Variants in PMFBP1 observed in about 807,000 individuals in gnomAD.
The protein encoded by PMFBP1 is polyamine-modulated factor 1-binding protein 1.
In PMFBP1, 131 loss-of-function variants were observed where a neutral mutation model predicts 137.8. That is an observed-to-expected ratio of 0.95 (90% CI 0.82 to 1.10). PMFBP1 has a LOEUF of 1.10. Ranked by LOEUF, PMFBP1 falls within the 50% of genes least tolerant of loss-of-function variation. The pLI, the probability that PMFBP1 is intolerant of heterozygous loss-of-function variation, is 0.00. For synonymous variants in PMFBP1, 490 were observed against 450.4 expected, an observed-to-expected ratio of 1.09 and a Z score of -1.11; for missense variants, 1,199 against 1,175.4, an observed-to-expected ratio of 1.02 and a Z score of -0.29.
downstream of PMFBP1, among the ~76,000 whole-genome samples, chr16:72,117,034 CA>C (rs35283042): frequency 4.2e-3 from 491 of 117,058 alleles, no homozygotes; most frequent in Non-Finnish European, 5.3e-3. Context: ...CCTATTTCTG[CA>C]AAAAAAAAAA....
chr16:72,150,861 C>A, intron 4 of PMFBP1, 32 bp from the exon 5 acceptor site: 1 of 1,578,518 alleles, frequency 6.3e-7, no homozygotes, highest in South Asian at 1.1e-5. Context: ...CACATTGAGC[C>A]CATGGAAGCA....
chr16:72,166,418 A>C (rs1212829958), intron 2 of PMFBP1, among the ~76,000 whole-genome samples: 1 of 152,164 alleles, frequency 6.6e-6, no homozygotes, highest in African/African-American at 2.4e-5. Flanking sequence ...TGGAACTGTG[A>C]GTCAGTTAAA....
At chr16:72,247,074 T>C in the PMFBP1 span, among the ~76,000 whole-genome samples, 1 of 152,264 alleles carries the variant, frequency 6.6e-6, no homozygotes, top group East Asian at 1.9e-4. Context: ...GATGAAGAGG[T>C]ACACAATTTC....
At chr16:72,238,273 G>T in the PMFBP1 span, among the ~76,000 whole-genome samples, 6 of 152,150 alleles carry the variant, frequency 3.9e-5, no homozygotes, top group Non-Finnish European at 7.4e-5. Context: ...CACCAACAGG[G>T]TATAGTGTTC....
intron 5 of PMFBP1, among the ~76,000 whole-genome samples, chr16:72,148,082 T>A (rs2042840487): frequency 6.6e-6 from 1 of 152,216 alleles, no homozygotes; most frequent in Non-Finnish European, 1.5e-5. Flanking sequence ...ATATGTTTAC[T>A]GCCACACTGT....
intron 15 of PMFBP1, 71 bp from the exon 16 acceptor site, chr16:72,125,476 G>A: frequency 1.3e-6 from 2 of 1,521,696 alleles, no homozygotes; most frequent in South Asian, 1.3e-5. Context: ...CCTGAATGGA[G>A]GAGGGTTCCA....
the PMFBP1 span, among the ~76,000 whole-genome samples, chr16:72,185,053 TCGCTG>T: frequency 6.6e-6 from 1 of 151,666 alleles, no homozygotes; most frequent in African/African-American, 2.4e-5. Flanking sequence ...AGACGGAGTC[TCGCTG>T]TGTCACCCAG....
chr16:72,136,249 C>T (rs2042629278), intron 9 of PMFBP1, among the ~76,000 whole-genome samples, 199 bp downstream of exon 9: 1 of 152,092 alleles, frequency 6.6e-6, no homozygotes. Flanking sequence ...CCTGCATAAT[C>T]AGATTCATTT....
intron 3 of PMFBP1, chr16:72,164,343 C>A (rs1346103665): frequency 5.1e-6 from 6 of 1,182,752 alleles, no homozygotes; most frequent in Non-Finnish European, 5.6e-6. Context: ...CAATAAAGAC[C>A]CCCTGCTACC....
intron 5 of PMFBP1, 58 bp from the exon 6 acceptor site, chr16:72,140,640 A>T (rs2042704315): frequency 6.8e-7 from 1 of 1,460,940 alleles, no homozygotes; most frequent in East Asian, 2.3e-5. Context: ...TTACTTCAGA[A>T]TTCCATGAAC....
chr16:72,177,138 T>G (rs1360118014), upstream of PMFBP1, among the ~76,000 whole-genome samples: 3 of 152,222 alleles, frequency 2.0e-5, no homozygotes, highest in Non-Finnish European at 4.4e-5. Context: ...TTTGTTGCCA[T>G]TATCATTGAC....
chr16:72,156,193 G>C (rs2042977806), intron 3 of PMFBP1, among the ~76,000 whole-genome samples: 2 of 152,012 alleles, frequency 1.3e-5, no homozygotes, highest in South Asian at 4.2e-4. Context: ...TGCCATGCTG[G>C]CCAAGTTGGT....
chr16:72,144,002 T>C (rs970606936), intron 5 of PMFBP1, among the ~76,000 whole-genome samples: 4 of 151,764 alleles, frequency 2.6e-5, no homozygotes, highest in Non-Finnish European at 4.4e-5. Context: ...GATTGCACCA[T>C]TGCACTCCAG....
At chr16:72,241,656 G>A in the PMFBP1 span, among the ~76,000 whole-genome samples, 1 of 152,108 alleles carries the variant, frequency 6.6e-6, no homozygotes, top group Non-Finnish European at 1.5e-5. Flanking sequence ...TTGAAGGAAG[G>A]CTGTTTTCAT....
chr16:72,176,652 A>G (rs1256513625), upstream of PMFBP1, among the ~76,000 whole-genome samples: 1 of 152,210 alleles, frequency 6.6e-6, no homozygotes, highest in Admixed American at 6.5e-5. Flanking sequence ...CCTTAATGCT[A>G]TGGAACTATC....
the PMFBP1 span, among the ~76,000 whole-genome samples, chr16:72,233,123 T>C: frequency 6.6e-6 from 1 of 152,128 alleles, no homozygotes; most frequent in South Asian, 2.1e-4. Flanking sequence ...AATTTACCTG[T>C]AGTCCAGTAT....
At chr16:72,225,714 TAATA>T in the PMFBP1 span, among the ~76,000 whole-genome samples, 1,681 of 143,264 alleles carry the variant, frequency 0.012, 28 homozygotes, top group South Asian at 0.041. Flanking sequence ...CTGTTTATAA[TAATA>T]ATAATAATAA....
the PMFBP1 span, among the ~76,000 whole-genome samples, chr16:72,213,836 G>C: frequency 6.6e-6 from 1 of 152,176 alleles, no homozygotes; most frequent in Non-Finnish European, 1.5e-5. Context: ...CACATAAACA[G>C]CAAATGGAAA....
At chr16:72,150,520 T>C in intron 5 of PMFBP1, 88 bp downstream of exon 5, 1 of 1,326,688 alleles carries the variant, frequency 7.5e-7, no homozygotes. Context: ...AGGTTTGGGT[T>C]TCCAGTGGAG....
Sources: gnomAD v4.1 joint callset for allele counts (sites outside exome capture counted in the v4.1 genomes callset) on GRCh38, gnomAD v4.1.1 for gene constraint, MANE v1.5 for transcripts, NCBI Gene and HGNC (gene_info 2026-07-23, HGNC 2026-07-21) for gene names.